Variants in ESPN observed in about 807,000 individuals in gnomAD.
ESPN encodes the protein espin, also known as autosomal recessive deafness type 36 protein.
Under a neutral mutation model 77.7 loss-of-function variants are expected in ESPN, and 68 were observed. The observed-to-expected ratio is 0.87, with a 90% confidence interval of 0.72 to 1.07. ESPN has a LOEUF of 1.07. Among genes scored for constraint, ESPN ranks in the 50% least tolerant of loss-of-function variants. ESPN has a pLI of 0.00. For missense variants in ESPN, 1,060 were observed against 1,239.0 expected (o/e 0.86, Z 2.17); for synonymous variants, 449 against 567.1 (o/e 0.79, Z 2.96).
At chr1:6,443,820 C>A (rs1421498872) in intron 5 of ESPN, among the ~76,000 whole-genome samples, 1 of 152,214 alleles carries the variant, frequency 6.6e-6, no homozygotes, top group South Asian at 2.1e-4. Flanking sequence ...GCGGAGCAAG[C>A]GGGCTTGCCG....
Position 6,444,554 on chromosome 1 carries a change from C to G in ESPN, c.1064C>G (p.Ser355Cys). 1 of 1,614,238 alleles carries G rather than the reference C, an allele frequency of 6.2e-7. No individual in the cohort carries two copies. Among genetic ancestry groups the G allele is most frequent in the Non-Finnish European group, 8.5e-7 (1 of 1,180,030 alleles). ...LEAKQPDSGM[S>C]SPNTTVSVQP... Reference sequence around the variant, plus strand: ...GCTAAGCAGCCGGATTCAGGCATGTCCTCACCCAATACCACGGTGTCGGTC... The same window carrying G: ...GCTAAGCAGCCGGATTCAGGCATGTGCTCACCCAATACCACGGTGTCGGTC... The change falls in exon 6 of 13, where the codon TCC becomes TGC. Residue 355 changes from serine to cysteine, a missense_variant. This residue lies in a region of ESPN where 556 missense variants were observed against 633.6 expected (regional missense o/e 0.88). Transcript: ENST00000645284.
At chr1:6,455,998 C>G (rs1267634546) in intron 10 of ESPN, 6 of 398,800 alleles carry the variant, frequency 1.5e-5, no homozygotes, top group Non-Finnish European at 2.7e-5. Flanking sequence ...GCCCTGGCCC[C>G]TGCGCCGCAG....
chr1:6,424,979 G>A lies in ESPN; in HGVS notation c.24G>A (p.Gln8=). 1 of 1,457,248 alleles carries A rather than the reference G, an allele frequency of 6.9e-7. No individual in the cohort carries two copies. Among genetic ancestry groups the A allele is most frequent in the Non-Finnish European group, 9.0e-7 (1 of 1,109,462 alleles). The allele number at this position is 1,457,248 out of a possible 1,614,324, so 90.3% of individuals were successfully genotyped here. A position where few individuals can be genotyped will look rare whatever the true frequency, so the allele number is the denominator to read the frequency against. MALEQAL[Q]AARQGELDVL... Reference sequence around the variant, plus strand: ...CCATGGCCCTGGAGCAGGCGCTGCAGGCGGCGCGGCAGGGCGAGCTGGACG... The same window carrying A: ...CCATGGCCCTGGAGCAGGCGCTGCAAGCGGCGCGGCAGGGCGAGCTGGACG... Residue 8 remains glutamine, a synonymous_variant, in exon 1 of 13, where the codon CAG becomes CAA. Transcript: ENST00000645284.
intron 10 of ESPN, chr1:6,455,429 G>T (rs1334055749): frequency 2.5e-6 from 1 of 394,678 alleles, no homozygotes; most frequent in African/African-American, 2.1e-5. Context: ...CCCGGCTGCC[G>T]GCGAGCAACA....
intron 10 of ESPN, among the ~76,000 whole-genome samples, chr1:6,453,429 G>A (rs1247026154): frequency 2.6e-5 from 4 of 152,266 alleles, no homozygotes; most frequent in African/African-American, 9.6e-5. Context: ...CACCTTATAC[G>A]TGGGCTGGGG....
downstream of ESPN, chr1:6,461,147 G>T: frequency 1.5e-6 from 1 of 656,950 alleles, no homozygotes; most frequent in Non-Finnish European, 2.9e-6. The surrounding 1 kb of genome is among the most constrained non-coding windows in gnomAD (Gnocchi z 6.3). Flanking sequence ...ACGCCAAGAA[G>T]CCGTTTTTGT....
chr1:6,436,548 G>T (rs1004821169), intron 2 of ESPN, among the ~76,000 whole-genome samples: 1 of 150,512 alleles, frequency 6.6e-6, no homozygotes, highest in Non-Finnish European at 1.5e-5. Flanking sequence ...TCTGACACCC[G>T]GGCTGGAGTA....
At chr1:6,438,475 C>A (rs1163704327) in intron 2 of ESPN, among the ~76,000 whole-genome samples, 1 of 152,230 alleles carries the variant, frequency 6.6e-6, no homozygotes, top group Non-Finnish European at 1.5e-5. Context: ...GCTCAAAGGC[C>A]CCCCTCTGGG....
rs1643875277 is a variant in ESPN at position 6,447,724 on chromosome 1, G to A, written c.1465-917G>A. Among the ~76,000 whole-genome samples the A allele has an allele frequency of 6.6e-6, 1 of 152,184 alleles. No individual in the cohort carries two copies. Among genetic ancestry groups the A allele is most frequent in the Non-Finnish European group, 1.5e-5 (1 of 68,030 alleles). On this transcript the variant is annotated intron_variant, in intron 7 of 12. Transcript: ENST00000645284. The surrounding 1 kb of genome is among the most constrained non-coding windows in gnomAD (Gnocchi z 5.2). ...GGCGATGGTTTCCAGATGCAGGAGG[G>A]GAAGGGTGGGGACGCGACCCGGAGC...
At chr1:6,443,987 C>T (rs576719459) in intron 5 of ESPN, among the ~76,000 whole-genome samples, 35 of 152,338 alleles carry the variant, frequency 2.3e-4, no homozygotes, top group African/African-American at 8.4e-4. Flanking sequence ...TGCAGCTGGC[C>T]ATCCAGGCCC....
chr1:6,451,718 GTT>G lies in ESPN; in HGVS notation c.2032_2033del (p.Phe678LeufsTer67). On this transcript the variant is annotated frameshift_variant, in exon 9 of 13. Coordinates refer to ENST00000645284, the MANE Select transcript of ESPN (RefSeq NM_031475.3). LOFTEE classifies it high-confidence loss of function. This position sits in a 1 kb window ranked among gnomAD's most constrained non-coding sequence, Gnocchi z 4.3. ...CCCAGAGCAAGGGGCTGACCACAGT[GTT>G]CTCAGGCATCGGGCAGCCGGCCTTC... is the stretch of plus-strand genomic sequence containing the variant. Reference protein sequence around the residue: ...TPQSKGLTTVFSGIGQPAFQP... With the variant: ...TPQSKGLTTVXSGIGQPAFQP... 1.9e-6 allele frequency: 3 copies of G among 1,612,856 alleles called. No individual in the cohort carries two copies. The South Asian group carries it at 3.3e-5, about 18-fold the overall frequency.
In ESPN at chr1:6,450,528, G is replaced by A. The variant is rs536480760; in HGVS notation, c.1916-1075G>A. 9.3e-5 allele frequency: 84 copies of A among 899,482 alleles called. No homozygotes were observed. The African/African-American group carries it at 1.5e-3, about 16-fold the overall frequency. The allele number at this position is 899,482 out of a possible 1,614,324, so 55.7% of individuals were successfully genotyped here. A position where few individuals can be genotyped will look rare whatever the true frequency, so the allele number is the denominator to read the frequency against. ...GCTGAGGCGCGGGGTGGGGGGAAGA[G>A]GCAGGAAAAGCAAGGCAGAAGGGGC... On this transcript the variant is annotated intron_variant, in intron 8 of 12. Coordinates refer to ENST00000645284, the MANE Select transcript of ESPN (RefSeq NM_031475.3). The surrounding 1 kb of genome is among the most constrained non-coding windows in gnomAD (Gnocchi z 4.3).
At chr1:6,431,114 G>T (rs1421291499) in intron 2 of ESPN, among the ~76,000 whole-genome samples, 3 of 152,260 alleles carry the variant, frequency 2.0e-5, no homozygotes, top group African/African-American at 4.8e-5. Context: ...TCAGGGAGCT[G>T]GGGATCAGTT....
chr1:6,424,802 C>T lies in ESPN; in HGVS notation c.-154C>T. 5 of 762,800 alleles carry T rather than the reference C, an allele frequency of 6.6e-6. No homozygotes were observed. The highest frequency in any genetic ancestry group is 4.5e-4 in the Middle Eastern group (1 of 2,198). 47.3% of individuals were successfully genotyped at this position (762,800 alleles called of 1,614,324 possible). ...GAGCGCGGCGGAGCGGAGCGCCAGGCAGCGCGGAGCGGAGGCCAGGCCCAC... is the reference window on the plus strand; with the variant it reads ...GAGCGCGGCGGAGCGGAGCGCCAGGTAGCGCGGAGCGGAGGCCAGGCCCAC... On this transcript the variant is annotated 5_prime_UTR_variant, in exon 1 of 13. Transcript: ENST00000645284.
At position 6,451,841 on chromosome 1, in the gene ESPN, G is replaced by A. The variant is rs142850918; in HGVS notation, c.2070G>A (p.Ser690=). 9,768 of 1,611,192 alleles carry A rather than the reference G, an allele frequency of 6.1e-3. 51 individuals carry two copies. Among genetic ancestry groups the A allele is most frequent in the Middle Eastern group, 8.2e-3 (49 of 5,940 alleles). The part of the protein sequence containing the change: ...GIGQPAFQPD[S]PLPSVSPALS... ...ACCGCTTCTCCCTGCAGCCCGATTC[G>A]CCGCTGCCTTCTGTGTCACCTGCAC... The change falls in exon 10 of 13, where the codon TCG becomes TCA. Residue 690 remains serine (S), a synonymous_variant. Transcript: ENST00000645284. The surrounding 1 kb of genome is among the most constrained non-coding windows in gnomAD (Gnocchi z 4.3).
intron 5 of ESPN, among the ~76,000 whole-genome samples, chr1:6,444,231 C>G (rs1027963183): frequency 3.3e-5 from 5 of 152,174 alleles, no homozygotes; most frequent in African/African-American, 1.2e-4. Context: ...ATCTCTCCAC[C>G]CTCCTAATCA....
intron 2 of ESPN, among the ~76,000 whole-genome samples, chr1:6,430,772 A>G (rs1250255532): frequency 6.6e-6 from 1 of 151,928 alleles, no homozygotes; most frequent in Non-Finnish European, 1.5e-5. Context: ...ACTCTGTCTC[A>G]AGGGGGAAAA....
At position 6,449,080 on chromosome 1, in the gene ESPN, C is replaced by T. The variant is rs746444690; in HGVS notation, c.1904C>T (p.Ser635Leu). Reference protein sequence around the residue: ...GPGCGQRRSSSSTGSTKSFNM... With the variant: ...GPGCGQRRSSLSTGSTKSFNM... ...GGCTGCGGGCAGCGCCGCTCCTCCTCGTCCACCGGCAGTGAGTAGGGGCAG... is the reference window on the plus strand; with the variant it reads ...GGCTGCGGGCAGCGCCGCTCCTCCTTGTCCACCGGCAGTGAGTAGGGGCAG... Residue 635 changes from serine to leucine, a missense_variant, in exon 8 of 13, where the codon TCG becomes TTG. Ser to Leu is a moderately radical substitution (Grantham distance 145). This residue lies in a region of ESPN where 374 missense variants were observed against 381.4 expected (regional missense o/e 0.98). Coordinates refer to ENST00000645284, the MANE Select transcript of ESPN (RefSeq NM_031475.3). 2.7e-6 allele frequency: 4 copies of T among 1,484,536 alleles called. No individual in the cohort carries two copies. The highest frequency in any genetic ancestry group is 2.2e-5 in the Admixed American group (1 of 44,828). The allele number at this position is 1,484,536 out of a possible 1,614,324, so 92.0% of individuals were successfully genotyped here.
Position 6,460,185 on chromosome 1 carries a change from G to A in ESPN, c.*39G>A. The stretch of plus-strand genomic sequence containing the variant: ...CTGTCCGCAGCCTCGCAGCTCCGTG[G>A]GGCCCTCCGCCCCAGCCCCAGCCAG... On this transcript the variant is annotated 3_prime_UTR_variant, in exon 13 of 13. Coordinates refer to ENST00000645284, the MANE Select transcript of ESPN (RefSeq NM_031475.3). The A allele has an allele frequency of 6.3e-7, 1 of 1,598,356 alleles. No homozygotes were observed. Among genetic ancestry groups the A allele is most frequent in the Non-Finnish European group, 8.5e-7 (1 of 1,170,368 alleles).
Sources: gnomAD v4.1 joint callset for allele counts (sites outside exome capture counted in the v4.1 genomes callset) on GRCh38, gnomAD v4.1.1 for gene constraint, gnomAD v4.1.1 regional missense constraint, Gnocchi (gnomAD v3.1) non-coding constraint, MANE v1.5 for transcripts, NCBI Gene and HGNC (gene_info 2026-07-23, HGNC 2026-07-21) for gene names.